ZFP41: variants seen among roughly 807,000 people sequenced by gnomAD.
ZFP41 encodes ZFP41 zinc finger protein.
In ZFP41, 10 loss-of-function variants were observed where a neutral mutation model predicts 11.6. The observed-to-expected ratio is 0.86, with a 90% CI of 0.53 to 1.47. ZFP41 has a LOEUF of 1.47. Among genes scored for constraint, ZFP41 ranks in the 40% most tolerant of loss-of-function variants. The probability of loss-of-function intolerance (pLI) is 0.00; values close to 1 mark genes in which losing one functional copy is unlikely to be tolerated. For synonymous variants in ZFP41, 123 were observed against 100.9 expected (o/e 1.22, Z -1.31); for missense variants, 302 against 264.6 (o/e 1.14, Z -0.98).
chr8:143,259,009 A>T (rs796521647), intron 2 of ZFP41, among the ~76,000 whole-genome samples: 35 of 152,328 alleles, frequency 2.3e-4, no homozygotes, highest in African/African-American at 8.2e-4. Context: ...CCGCCTGTTG[A>T]CTTCCCCTTG....
chr8:143,250,818 G>A lies in ZFP41; in HGVS notation c.*378G>A, dbSNP rs1814727815. 2 of 270,642 alleles carry A rather than the reference G, an allele frequency of 7.4e-6. No homozygotes were observed. The highest frequency in any genetic ancestry group is 6.5e-5 in the South Asian group (1 of 15,462). The allele number at this position is 270,642 out of a possible 1,614,324, so 16.8% of individuals were successfully genotyped here. On this transcript the variant is annotated 3_prime_UTR_variant, in exon 2 of 3. Transcript: ENST00000330701. ...GCACCCAGCAGGAGAGGCTCCTGGTGTAGTGGGCAGCCCAGCACTTCCCGC... is the reference window on the plus strand; with the variant it reads ...GCACCCAGCAGGAGAGGCTCCTGGTATAGTGGGCAGCCCAGCACTTCCCGC...
In ZFP41 at chr8:143,249,961, C is replaced by T. The variant is rs757824008; in HGVS notation, c.118C>T (p.Pro40Ser). Residue 40 changes from proline to serine, a missense_variant, in exon 2 of 3, where the codon CCC (proline) becomes TCC (serine). By Grantham distance (74) the Pro-to-Ser change is moderately conservative. Transcript: ENST00000330701. ...VSGDRKPPER[P>S]TVPRKPRTEP... The stretch of plus-strand genomic sequence containing the variant: ...CGGGGACAGAAAGCCACCTGAGAGG[C>T]CCACTGTGCCCAGGAAGCCCCGCAC... 18 of 1,614,042 alleles carry T rather than the reference C, an allele frequency of 1.1e-5. 1 individual carries two copies. In the South Asian group the frequency reaches 1.8e-4, roughly 16 times the overall value.
At chr8:143,258,071 A>C (rs1490262927) in intron 2 of ZFP41, among the ~76,000 whole-genome samples, 1 of 152,224 alleles carries the variant, frequency 6.6e-6, no homozygotes, top group Non-Finnish European at 1.5e-5. Flanking sequence ...CATTCCTGTC[A>C]TCCCAGCACA....
intron 1 of ZFP41, among the ~76,000 whole-genome samples, chr8:143,247,942 C>T (rs1281584448): frequency 1.3e-5 from 2 of 152,176 alleles, no homozygotes; most frequent in Non-Finnish European, 1.5e-5. Flanking sequence ...CCCTCAGCCT[C>T]CTGAGTAGCT....
rs1028270293 is a variant in ZFP41, at chr8:143,259,895, GA to G, written c.*1025del. 6.6e-6 allele frequency: 1 copy of G among 152,422 alleles called. No individual in the cohort carries two copies. Among genetic ancestry groups the G allele is most frequent in the African/African-American group, 2.4e-5 (1 of 41,482 alleles). 9.4% of individuals were successfully genotyped at this position (152,422 alleles called of 1,614,324 possible). A position where few individuals can be genotyped will look rare whatever the true frequency, so the allele number is the denominator to read the frequency against. On this transcript the variant is annotated 3_prime_UTR_variant, in exon 3 of 3. Transcript: ENST00000330701. The stretch of plus-strand genomic sequence containing the variant: ...CAGTTAGAGGAGGAGCAGAGATGAA[GA>G]AAAGGAGAAGAAAAGCGCTGGAAAG...
In ZFP41 at chr8:143,250,124, G is replaced by C; in HGVS notation, c.281G>C (p.Arg94Pro). 1 of 1,614,140 alleles carries C rather than the reference G, an allele frequency of 6.2e-7. No homozygotes were observed. The highest frequency in any genetic ancestry group is 8.5e-7 in the Non-Finnish European group (1 of 1,180,030). Residue 94 changes from arginine to proline, a missense_variant, in exon 2 of 3, where the codon CGG (arginine) becomes CCG (proline). Coordinates refer to ENST00000330701, the MANE Select transcript of ZFP41 (RefSeq NM_173832.6). Reference protein sequence around the residue: ...KKPYECSECGRIFKHKTDHIR... With the variant: ...KKPYECSECGPIFKHKTDHIR... Reference sequence around the variant, plus strand: ...CCCTATGAGTGCAGTGAGTGTGGGCGGATCTTTAAGCACAAGACAGACCAC... The same window carrying C: ...CCCTATGAGTGCAGTGAGTGTGGGCCGATCTTTAAGCACAAGACAGACCAC...
At position 143,250,162 on chromosome 8, in the gene ZFP41, A is replaced by G. The variant is rs1816773518; in HGVS notation, c.319A>G (p.Arg107Gly). 10 of 1,614,156 alleles carry G rather than the reference A, an allele frequency of 6.2e-6. No homozygotes were observed. The highest frequency in any genetic ancestry group is 7.6e-6 in the Non-Finnish European group (9 of 1,180,032). Reference sequence around the variant, plus strand: ...CAAGACAGACCACATTCGCCATCAGAGGGTCCACACTGGAGAGAAGCCCTT... The same window carrying G: ...CAAGACAGACCACATTCGCCATCAGGGGGTCCACACTGGAGAGAAGCCCTT... ...KHKTDHIRHQRVHTGEKPFKC... is the reference protein window; with the variant it reads ...KHKTDHIRHQGVHTGEKPFKC... Residue 107 changes from arginine to glycine, a missense_variant, in exon 2 of 3, where the codon AGG becomes GGG. Coordinates refer to ENST00000330701, the MANE Select transcript of ZFP41 (RefSeq NM_173832.6).
chr8:143,247,664 A>T (rs1816718773), intron 1 of ZFP41: 1 of 152,250 alleles, frequency 6.6e-6, no homozygotes, highest in Non-Finnish European at 1.5e-5. Flanking sequence ...GCACGACAGA[A>T]CCAGAACCCC....
intron 2 of ZFP41, among the ~76,000 whole-genome samples, chr8:143,255,345 G>A (rs190239800): frequency 2.6e-5 from 4 of 152,368 alleles, no homozygotes; most frequent in East Asian, 1.9e-4. Flanking sequence ...ACGTGACGTC[G>A]TAAGCACACT....
intron 2 of ZFP41, among the ~76,000 whole-genome samples, chr8:143,259,377 G>A (rs1814985038): frequency 6.6e-6 from 1 of 152,248 alleles, no homozygotes; most frequent in Non-Finnish European, 1.5e-5. Context: ...GCCGGCACAG[G>A]GCACGGGCCC....
chr8:143,257,713 G>A (rs1472483062), intron 2 of ZFP41, among the ~76,000 whole-genome samples: 1 of 152,252 alleles, frequency 6.6e-6, no homozygotes, highest in Non-Finnish European at 1.5e-5. Flanking sequence ...CTGAAAAGGT[G>A]AGAAAAGCCT....
rs151324378 is a variant in ZFP41, at chr8:143,260,735, A to C, written c.*1861A>C. ...AGGCACCATCCTTCCAGCCTTGCTC[A>C]GTCACCCTGACCCAGAGGGCTGCCC... On this transcript the variant is annotated 3_prime_UTR_variant, in exon 3 of 3. Transcript: ENST00000330701. 425 of 188,100 alleles carry C rather than the reference A, an allele frequency of 2.3e-3. 4 individuals are homozygous for C. The highest frequency in any genetic ancestry group is 9.6e-3 in the African/African-American group (401 of 41,580). The allele number at this position is 188,100 out of a possible 1,614,324, so 11.7% of individuals were successfully genotyped here.
At chr8:143,259,172 T>C (rs10090527) in intron 2 of ZFP41, among the ~76,000 whole-genome samples, 145,195 of 152,336 alleles carry the variant, frequency 0.95, 69,251 homozygotes, top group East Asian at 1. Flanking sequence ...GCCACGCAGC[T>C]AGCCAGGACC....
intron 2 of ZFP41, among the ~76,000 whole-genome samples, chr8:143,255,586 A>G (rs111935175): frequency 1.4e-5 from 2 of 138,978 alleles, no homozygotes; most frequent in African/African-American, 2.9e-5. Context: ...TCTTGAGATC[A>G]GGGCTCGCCC....
chr8:143,251,867 G>A (rs1751731928), intron 2 of ZFP41, among the ~76,000 whole-genome samples: 1 of 152,212 alleles, frequency 6.6e-6, no homozygotes, highest in Non-Finnish European at 1.5e-5. Context: ...CCACTGGGAG[G>A]ATGCTTCAGT....
chr8:143,255,416 C>G (rs912553748), intron 2 of ZFP41, among the ~76,000 whole-genome samples: 2 of 152,102 alleles, frequency 1.3e-5, no homozygotes, highest in African/African-American at 4.8e-5. Flanking sequence ...TTAGTGAGAT[C>G]AGAGCTCGCC....
chr8:143,257,837 T>C (rs367648376), intron 2 of ZFP41, among the ~76,000 whole-genome samples: 7 of 152,340 alleles, frequency 4.6e-5, no homozygotes, highest in African/African-American at 1.7e-4. Context: ...AGAGATTGTG[T>C]GGATGATTCT....
In ZFP41 at chr8:143,261,823, G is replaced by C. The variant is rs113631797; in HGVS notation, c.*2949G>C. The C allele has an allele frequency of 2.6e-4, 36 of 139,840 alleles. No individual in the cohort carries two copies. Among genetic ancestry groups the C allele is most frequent in the South Asian group, 7.0e-4 (8 of 11,416 alleles). The allele number at this position is 139,840 out of a possible 1,614,324, so 8.7% of individuals were successfully genotyped here. A position where few individuals can be genotyped will look rare whatever the true frequency, so the allele number is the denominator to read the frequency against. On this transcript the variant is annotated 3_prime_UTR_variant, in exon 3 of 3. Transcript: ENST00000330701. Reference sequence around the variant, plus strand: ...TGCCCCCACCCGCACCCCTGCACCTGCCACGCCTGTCTCCGGCAGCCCCTG... The same window carrying C: ...TGCCCCCACCCGCACCCCTGCACCTCCCACGCCTGTCTCCGGCAGCCCCTG...
At chr8:143,251,775 C>G (rs915971972) in intron 2 of ZFP41, among the ~76,000 whole-genome samples, 5 of 152,206 alleles carry the variant, frequency 3.3e-5, no homozygotes, top group African/African-American at 1.2e-4. Context: ...CTGTAATATT[C>G]CTGCCTGTCT....
Sources: allele counts gnomAD v4.1 joint callset (sites outside exome capture counted in the v4.1 genomes callset), GRCh38; gene constraint gnomAD v4.1.1; transcripts MANE v1.5; gene names NCBI Gene and HGNC (gene_info 2026-07-23, HGNC 2026-07-21).